BTBD7: variants seen among roughly 807,000 people sequenced by gnomAD.
BTBD7 encodes BTB domain containing 7, also known as BTB/POZ domain-containing protein 7.
A neutral mutation model predicts 99.9 loss-of-function variants in BTBD7; 38 were observed. The ratio of observed to expected loss-of-function variants is 0.38; its 90% confidence interval spans 0.29 to 0.50. The LOEUF is 0.50. BTBD7 is among the 20% of genes least tolerant of loss of function. The pLI is 0.93. For missense variants in BTBD7, 1,170 were observed against 1,394.6 expected (o/e 0.84, Z 2.57); for synonymous variants, 520 against 511.4 (o/e 1.02, Z -0.23).
intron 3 of BTBD7, among the ~76,000 whole-genome samples, chr14:93,276,830 A>G (rs578164184): frequency 6.6e-6 from 1 of 152,170 alleles, no homozygotes; most frequent in East Asian, 1.9e-4. Context: ...GAGGAAGCTA[A>G]AGCATACACA....
intron 1 of BTBD7, among the ~76,000 whole-genome samples, chr14:93,303,677 T>C (rs2139789185): frequency 6.6e-6 from 1 of 152,356 alleles, no homozygotes; most frequent in African/African-American, 2.4e-5. Context: ...AGAATGAATG[T>C]GGCTGCACTG....
intron 1 of BTBD7, among the ~76,000 whole-genome samples, chr14:93,309,786 A>T (rs538258006): frequency 1.3e-5 from 2 of 152,286 alleles, no homozygotes; most frequent in Non-Finnish European, 2.9e-5. Flanking sequence ...AGGACAATTA[A>T]ATGACTAAGC....
In BTBD7 at chr14:93,246,298, T is replaced by TAA. The variant is rs55659625; in HGVS notation, c.2122-14_2122-13dup. On this transcript the variant is annotated splice_polypyrimidine_tract_variant and intron_variant, in intron 9 of 10. Coordinates refer to ENST00000334746, the MANE Select transcript of BTBD7 (RefSeq NM_001002860.4). ...AATTTGTGAGGATTCTAAAAAAGAT[T>TAA]AAAAAAAAAAAAAAAGGACATTTAT... is the stretch of plus-strand genomic sequence containing the variant. 79 of 1,349,874 alleles carry TAA rather than the reference T, an allele frequency of 5.9e-5. No individual in the cohort carries two copies. The highest frequency in any genetic ancestry group is 2.1e-4 in the South Asian group (11 of 51,228). The allele number at this position is 1,349,874 out of a possible 1,614,324, so 83.6% of individuals were successfully genotyped here.
At chr14:93,321,415 A>G (rs969453606) in intron 1 of BTBD7, among the ~76,000 whole-genome samples, 31 of 152,210 alleles carry the variant, frequency 2.0e-4, no homozygotes, top group Admixed American at 1.3e-4. Flanking sequence ...CAACATGGTG[A>G]AACCCCGTCT....
chr14:93,256,960 T>C, intron 6 of BTBD7: 1 of 478,426 alleles, frequency 2.1e-6, no homozygotes. Context: ...GAAATAATGC[T>C]CTTGCATGAG....
chr14:93,287,415 CCT>C (rs1322666665), intron 3 of BTBD7, among the ~76,000 whole-genome samples: 1 of 143,598 alleles, frequency 7.0e-6, no homozygotes, highest in Admixed American at 7.6e-5. Context: ...CTAGTATTTA[CCT>C]CTCTATATTA....
chr14:93,250,071 A>G (rs1265792100), intron 8 of BTBD7, among the ~76,000 whole-genome samples: 2 of 152,314 alleles, frequency 1.3e-5, no homozygotes, highest in South Asian at 2.1e-4. Flanking sequence ...GAAAGAAAAT[A>G]TTAATACCAT....
At chr14:93,295,736 G>A (rs1469847574) in intron 2 of BTBD7, among the ~76,000 whole-genome samples, 2 of 152,276 alleles carry the variant, frequency 1.3e-5, no homozygotes, top group East Asian at 3.9e-4. Flanking sequence ...TTTGCCTAAG[G>A]TAATTGGCAA....
At chr14:93,288,478 A>G in intron 3 of BTBD7, 2 of 729,814 alleles carry the variant, frequency 2.7e-6, no homozygotes, top group Non-Finnish European at 5.0e-6. Context: ...GATTCCATAA[A>G]AAGTTCTTTT....
At chr14:93,278,353 G>A (rs546911404) in intron 3 of BTBD7, among the ~76,000 whole-genome samples, 1 of 152,318 alleles carries the variant, frequency 6.6e-6, no homozygotes, top group African/African-American at 2.4e-5. Context: ...GGCGGAGGTT[G>A]CAGTGAGCTG....
At chr14:93,311,189 T>C (rs947571074) in intron 1 of BTBD7, among the ~76,000 whole-genome samples, 2 of 152,218 alleles carry the variant, frequency 1.3e-5, no homozygotes, top group African/African-American at 4.8e-5. Context: ...TTTGTAGTTA[T>C]TCTTATTGAA....
intron 1 of BTBD7, among the ~76,000 whole-genome samples, chr14:93,318,405 AAAT>A (rs1451689954): frequency 6.6e-6 from 1 of 152,166 alleles, no homozygotes; most frequent in African/African-American, 2.4e-5. Flanking sequence ...GTCAGCTTTA[AAAT>A]AATGTTTTTT....
At chr14:93,297,995 G>GT (rs1306915450) in intron 1 of BTBD7, among the ~76,000 whole-genome samples, 1 of 152,184 alleles carries the variant, frequency 6.6e-6, no homozygotes, top group Non-Finnish European at 1.5e-5. Context: ...AGACGGCATG[G>GT]TGTCACTCCT....
intron 3 of BTBD7, among the ~76,000 whole-genome samples, chr14:93,272,622 T>C (rs760946751): frequency 5.3e-5 from 8 of 152,312 alleles, no homozygotes; most frequent in East Asian, 1.9e-4. Context: ...GAGCACACTA[T>C]TGAAAGGTTT....
At chr14:93,257,922 G>C (rs2052447694) in intron 5 of BTBD7, among the ~76,000 whole-genome samples, 1 of 148,292 alleles carries the variant, frequency 6.7e-6, no homozygotes, top group African/African-American at 2.6e-5. Flanking sequence ...CATAAAAGTA[G>C]ACCCTTTGAT....
rs1319904023 is a variant in BTBD7, at chr14:93,242,745, T to A, written c.2927A>T (p.Asp976Val). The A allele has an allele frequency of 5.0e-6, 8 of 1,614,058 alleles. No homozygotes were observed. The highest frequency in any genetic ancestry group is 6.8e-6 in the Non-Finnish European group (8 of 1,180,046). Residue 976 changes from aspartate (D) to valine (V), a missense_variant, in exon 11 of 11, where the codon GAT becomes GTT. By Grantham distance (152) the Asp-to-Val change is radical. Coordinates refer to ENST00000334746, the MANE Select transcript of BTBD7 (RefSeq NM_001002860.4). Reference sequence around the variant, plus strand: ...TGATGCCTTATTGTGGCTGTACAGATCGGGACCAAAATATCCACCTTGCGA... The same window carrying A: ...TGATGCCTTATTGTGGCTGTACAGAACGGGACCAAAATATCCACCTTGCGA... ...SPSQGGYFGP[D>V]LYSHNKASPS...
In BTBD7 at chr14:93,296,005, A is replaced by G. The variant is rs764546735; in HGVS notation, c.47T>C (p.Val16Ala). 6.2e-7 allele frequency: 1 copy of G among 1,614,012 alleles called. No homozygotes were observed. Among genetic ancestry groups the G allele is most frequent in the East Asian group, 2.2e-5 (1 of 44,866 alleles). Residue 16 changes from valine to alanine, a missense_variant, in exon 2 of 11, where the codon GTA becomes GCA. Val to Ala is a moderately conservative substitution (Grantham distance 64). Around this residue, in one of 4 missense-constraint regions of BTBD7, gnomAD observed 359 missense variants for 497.9 expected, o/e 0.72. Coordinates refer to ENST00000334746, the MANE Select transcript of BTBD7 (RefSeq NM_001002860.4). ...SNYPHSCSPR[V>A]GGNSQAQQTF... ...CTGTTGGGCCTGTGAATTTCCCCCT[A>G]CCCTCGGGGAACATGAATGAGGATA...
At chr14:93,319,942 T>C (rs1051937032) in intron 1 of BTBD7, among the ~76,000 whole-genome samples, 6 of 152,270 alleles carry the variant, frequency 3.9e-5, no homozygotes, top group East Asian at 1.9e-4. Context: ...GATGATGCCA[T>C]TGTCCAACTA....
intron 3 of BTBD7, among the ~76,000 whole-genome samples, chr14:93,282,039 T>A (rs929746274): frequency 6.6e-6 from 1 of 152,214 alleles, no homozygotes; most frequent in African/African-American, 2.4e-5. Context: ...AGTTCATCTT[T>A]TGATCTGTTG....
Sources: gnomAD v4.1 joint callset for allele counts (sites outside exome capture counted in the v4.1 genomes callset) on GRCh38, gnomAD v4.1.1 for gene constraint, gnomAD v4.1.1 regional missense constraint, MANE v1.5 for transcripts, NCBI Gene and HGNC (gene_info 2026-07-23, HGNC 2026-07-21) for gene names.